SH3BGRL2: variants seen among roughly 807,000 people sequenced by gnomAD.
The protein encoded by SH3BGRL2 is SH3 domain binding glutamate rich protein like 2, also known as SH3 domain-binding glutamic acid-rich-like protein 2.
SH3BGRL2 carries 21 observed loss-of-function variants against 14.8 expected under a neutral mutation model. The observed-to-expected ratio is 1.42, with a 90% confidence interval of 1.01 to 2.05. The LOEUF (loss-of-function observed/expected upper bound fraction) is 2.05. Ranked by LOEUF, SH3BGRL2 falls within the 30% of genes most tolerant of loss-of-function variation. The pLI is 0.00. For missense variants in SH3BGRL2, 147 were observed against 130.8 expected (o/e 1.12, Z -0.61); for synonymous variants, 50 against 47.8 (o/e 1.05, Z -0.19).
At chr6:79,572,717 G>C in the SH3BGRL2 span, among the ~76,000 whole-genome samples, 8 of 152,090 alleles carry the variant, frequency 5.3e-5, no homozygotes, top group Non-Finnish European at 2.9e-5. Context: ...CGCCCGCCTT[G>C]GCCTCCAAAA....
At chr6:79,610,198 T>G in the SH3BGRL2 span, among the ~76,000 whole-genome samples, 1 of 152,324 alleles carries the variant, frequency 6.6e-6, no homozygotes, top group Admixed American at 6.5e-5. Context: ...AAATAGAAAT[T>G]AGATGGAGGC....
chr6:79,553,350 A>T, the SH3BGRL2 span, among the ~76,000 whole-genome samples: 1 of 152,220 alleles, frequency 6.6e-6, no homozygotes, highest in Non-Finnish European at 1.5e-5. Context: ...AAAATCACAA[A>T]AGCTCAGCTT....
At chr6:79,595,215 G>A in the SH3BGRL2 span, among the ~76,000 whole-genome samples, 2 of 152,168 alleles carry the variant, frequency 1.3e-5, no homozygotes, top group African/African-American at 2.4e-5. Flanking sequence ...GCTTGAACCC[G>A]GGAGGTGGAT....
chr6:79,667,890 C>T lies in SH3BGRL2; in HGVS notation c.46-5724C>T, dbSNP rs547938391. Among the ~76,000 whole-genome samples, 37 of 151,978 alleles carry T rather than the reference C, an allele frequency of 2.4e-4. 1 individual carries two copies. Among genetic ancestry groups the T allele is most frequent in the Admixed American group, 9.8e-4 (15 of 15,240 alleles). ...ATCTGACTCTAAAATATATACTTCC[C>T]CCGGCCCCACCTCCCCCCAGTTTTC... On this transcript the variant is annotated intron_variant, in intron 1 of 3. Transcript: ENST00000369838.
chr6:79,633,400 A>G (rs1768862637), intron 1 of SH3BGRL2, among the ~76,000 whole-genome samples: 2 of 152,168 alleles, frequency 1.3e-5, no homozygotes, highest in African/African-American at 4.8e-5. Context: ...TGAACAATAT[A>G]CCTACCTATT....
the SH3BGRL2 span, among the ~76,000 whole-genome samples, chr6:79,548,644 A>T: frequency 6.6e-6 from 1 of 152,220 alleles, no homozygotes; most frequent in African/African-American, 2.4e-5. Flanking sequence ...ATTCTCTACC[A>T]TATGTCTAGC....
the SH3BGRL2 span, among the ~76,000 whole-genome samples, chr6:79,550,864 C>T: frequency 2.0e-5 from 3 of 152,146 alleles, no homozygotes; most frequent in Non-Finnish European, 4.4e-5. Flanking sequence ...CTCATTTGTA[C>T]TTCAGTCTCG....
At chr6:79,596,138 C>T in the SH3BGRL2 span, among the ~76,000 whole-genome samples, 3 of 152,094 alleles carry the variant, frequency 2.0e-5, no homozygotes, top group Admixed American at 6.5e-5. Flanking sequence ...AATTTATACT[C>T]TGATATTACA....
At chr6:79,583,826 C>A in the SH3BGRL2 span, among the ~76,000 whole-genome samples, 2 of 152,090 alleles carry the variant, frequency 1.3e-5, no homozygotes, top group African/African-American at 4.8e-5. Flanking sequence ...TTATTACTTT[C>A]TTTTTGTATG....
At chr6:79,579,663 A>G in the SH3BGRL2 span, among the ~76,000 whole-genome samples, 7 of 152,204 alleles carry the variant, frequency 4.6e-5, no homozygotes, top group Admixed American at 4.6e-4. Flanking sequence ...TAAACATGGA[A>G]AGGAACAACC....
intron 1 of SH3BGRL2, among the ~76,000 whole-genome samples, chr6:79,651,557 C>T (rs1769295823): frequency 6.6e-6 from 1 of 151,842 alleles, no homozygotes; most frequent in South Asian, 2.1e-4. Flanking sequence ...TTGTTATACA[C>T]ATGTTGATGG....
At chr6:79,618,952 CAA>C in the SH3BGRL2 span, among the ~76,000 whole-genome samples, 1 of 123,364 alleles carries the variant, frequency 8.1e-6, no homozygotes, top group South Asian at 2.7e-4. Context: ...TACTGTGTTG[CAA>C]AGTTACTCGA....
chr6:79,595,534 A>G, the SH3BGRL2 span, among the ~76,000 whole-genome samples: 1 of 152,216 alleles, frequency 6.6e-6, no homozygotes, highest in Non-Finnish European at 1.5e-5. Flanking sequence ...TGACCAAACA[A>G]TATCTGAAAT....
chr6:79,583,879 G>A, the SH3BGRL2 span, among the ~76,000 whole-genome samples: 1 of 152,176 alleles, frequency 6.6e-6, no homozygotes, highest in Non-Finnish European at 1.5e-5. Flanking sequence ...ACTGCTGTAT[G>A]CAAGTGACAT....
the SH3BGRL2 span, among the ~76,000 whole-genome samples, chr6:79,568,183 G>A: frequency 5.3e-5 from 8 of 152,016 alleles, no homozygotes; most frequent in Admixed American, 2.6e-4. Flanking sequence ...CTGAAGATGC[G>A]CACACCTAAC....
At chr6:79,665,308 A>G (rs925627577) in intron 1 of SH3BGRL2, among the ~76,000 whole-genome samples, 27 of 152,234 alleles carry the variant, frequency 1.8e-4, no homozygotes, top group African/African-American at 6.3e-4. Context: ...TAAGTACTCA[A>G]TATAATTCAT....
intron 1 of SH3BGRL2, among the ~76,000 whole-genome samples, chr6:79,635,877 T>C (rs1014423720): frequency 6.6e-6 from 1 of 152,208 alleles, no homozygotes; most frequent in Non-Finnish European, 1.5e-5. Flanking sequence ...ATAACTATTT[T>C]ATACACACAA....
At chr6:79,540,403 C>CAGTG in the SH3BGRL2 span, among the ~76,000 whole-genome samples, 5 of 151,862 alleles carry the variant, frequency 3.3e-5, no homozygotes, top group African/African-American at 1.2e-4. Flanking sequence ...CCACTGCACT[C>CAGTG]CAGCCTGGGC....
the SH3BGRL2 span, among the ~76,000 whole-genome samples, chr6:79,619,273 T>A: frequency 6.6e-6 from 1 of 152,164 alleles, no homozygotes; most frequent in Non-Finnish European, 1.5e-5. Context: ...ATGTATAATT[T>A]CCTTCCCTTC....
Sources: gnomAD v4.1 joint callset for allele counts (sites outside exome capture counted in the v4.1 genomes callset) on GRCh38, gnomAD v4.1.1 for gene constraint, MANE v1.5 for transcripts, NCBI Gene and HGNC (gene_info 2026-07-23, HGNC 2026-07-21) for gene names.